Variants in PTPRK observed in about 807,000 individuals in gnomAD.
PTPRK encodes protein tyrosine phosphatase receptor type K.
In PTPRK, 75 loss-of-function variants were observed where a neutral mutation model predicts 178.0. The ratio of observed to expected loss-of-function variants is 0.42; its 90% CI spans 0.35 to 0.51. PTPRK has a LOEUF of 0.51. Among genes scored for constraint, PTPRK ranks in the 20% least tolerant of loss-of-function variants. The probability of loss-of-function intolerance (pLI) is 0.02; values close to 1 mark genes in which losing one functional copy is unlikely to be tolerated. For synonymous variants in PTPRK, 637 were observed against 620.6 expected (o/e 1.03, Z -0.39); for missense variants, 1,441 against 1,797.8 (o/e 0.80, Z 3.59).
chr6:128,453,007 T>C (rs1847974803), intron 1 of PTPRK, among the ~76,000 whole-genome samples: 1 of 152,190 alleles, frequency 6.6e-6, no homozygotes, highest in African/African-American at 2.4e-5. Context: ...TCCTCAGAGT[T>C]AATAACAGCT....
At chr6:128,211,894 A>G (rs1808256691) in intron 6 of PTPRK, among the ~76,000 whole-genome samples, 1 of 151,982 alleles carries the variant, frequency 6.6e-6, no homozygotes, top group Non-Finnish European at 1.5e-5. Flanking sequence ...ATCCTTACTC[A>G]TTATACCACT....
chr6:128,324,771 TTGATA>T (rs1269354643), intron 2 of PTPRK, among the ~76,000 whole-genome samples: 1 of 152,140 alleles, frequency 6.6e-6, no homozygotes, highest in Non-Finnish European at 1.5e-5. Flanking sequence ...GCCTACTGAC[TTGATA>T]TAACGGCAAT....
chr6:128,487,553 G>T (rs1370547994), intron 1 of PTPRK, among the ~76,000 whole-genome samples: 1 of 151,748 alleles, frequency 6.6e-6, no homozygotes, highest in Admixed American at 6.6e-5. Context: ...CTTCCCTAAA[G>T]AGCCTCATTC....
chr6:128,473,404 A>ATTTT (rs67418131), intron 1 of PTPRK, among the ~76,000 whole-genome samples: 63 of 90,894 alleles, frequency 6.9e-4, no homozygotes, highest in African/African-American at 1.1e-3. Context: ...TATGGTTACT[A>ATTTT]TTTTTTTTTT....
intron 6 of PTPRK, among the ~76,000 whole-genome samples, chr6:128,187,835 T>G (rs1175826086): frequency 1.3e-5 from 2 of 152,202 alleles, no homozygotes; most frequent in Non-Finnish European, 2.9e-5. Flanking sequence ...AAATCTAGCA[T>G]TAATGAGGCT....
intron 13 of PTPRK, among the ~76,000 whole-genome samples, chr6:128,057,329 T>G (rs1437383447): frequency 6.6e-6 from 1 of 152,220 alleles, no homozygotes; most frequent in African/African-American, 2.4e-5. Flanking sequence ...CTTGCAAAGT[T>G]GACCTTGGAC....
At chr6:128,435,180 T>C (rs1387206668) in intron 1 of PTPRK, among the ~76,000 whole-genome samples, 1 of 151,892 alleles carries the variant, frequency 6.6e-6, no homozygotes, top group Non-Finnish European at 1.5e-5. Flanking sequence ...CTGGCTTAGA[T>C]ATTCCTCACA....
intron 13 of PTPRK, among the ~76,000 whole-genome samples, chr6:128,038,208 A>G (rs1035108560): frequency 1.3e-5 from 2 of 151,996 alleles, no homozygotes; most frequent in Admixed American, 1.3e-4. Context: ...TTTTTTTTCT[A>G]GGAGAAATTT....
At chr6:127,973,858 G>T (rs79161139) in intron 27 of PTPRK, 31 bp from the exon 28 acceptor site, 20 of 1,587,504 alleles carry the variant, frequency 1.3e-5, no homozygotes, top group Admixed American at 1.7e-5. Flanking sequence ...ATGTAAATAC[G>T]CTGGGACTAC....
At position 128,157,050 on chromosome 6, in the gene PTPRK, G is replaced by A. The variant is rs1337111871; in HGVS notation, c.1162+27382C>T. ...ATCCATCATGATTTGTCCAACATCA[G>A]GAATAAAAGCTCTGAAAACCAAAAG... On this transcript the variant is annotated intron_variant, in intron 7 of 29. Transcript: ENST00000368226. Among the ~76,000 whole-genome samples, 5 of 152,034 alleles carry A rather than the reference G, an allele frequency of 3.3e-5. No individual in the cohort carries two copies. In the East Asian group the frequency reaches 9.7e-4, roughly 30 times the overall value.
chr6:128,340,618 T>C (rs1017755105), intron 2 of PTPRK, among the ~76,000 whole-genome samples: 2 of 152,218 alleles, frequency 1.3e-5, no homozygotes, highest in Non-Finnish European at 2.9e-5. Flanking sequence ...TATCTGAGTA[T>C]TAACATACCA....
chr6:128,218,952 CA>C lies in PTPRK; in HGVS notation c.837del (p.Val280CysfsTer9). 1 of 1,613,884 alleles carries C rather than the reference CA, an allele frequency of 6.2e-7. No individual in the cohort carries two copies. Among genetic ancestry groups the C allele is most frequent in the Non-Finnish European group, 8.5e-7 (1 of 1,179,912 alleles). On this transcript the variant is annotated frameshift_variant, in exon 6 of 30. Transcript: ENST00000368226. LOFTEE classifies it high-confidence loss of function. ...ACAATAAGTTGAGCAAAATTGGACA[CA>C]CCGGAACCTCGTTCTGACTGAGTTA... is the stretch of plus-strand genomic sequence containing the variant. ...RCVTQSERGS[G>X]VSNFAQLIVR... is the part of the protein sequence containing the mutation.
intron 10 of PTPRK, among the ~76,000 whole-genome samples, chr6:128,081,426 C>T (rs116893910): frequency 0.035 from 5,250 of 151,856 alleles, 161 homozygotes; most frequent in Middle Eastern, 0.092. Flanking sequence ...TTGTATTATA[C>T]TCAACACGTT....
At chr6:128,030,917 A>T (rs916493683) in intron 13 of PTPRK, among the ~76,000 whole-genome samples, 9 of 152,096 alleles carry the variant, frequency 5.9e-5, no homozygotes, top group African/African-American at 2.2e-4. Context: ...CATAGCATTC[A>T]TTTTTTTCCC....
intron 7 of PTPRK, among the ~76,000 whole-genome samples, chr6:128,177,845 T>C (rs368406905): frequency 6.6e-6 from 1 of 151,780 alleles, no homozygotes; most frequent in Non-Finnish European, 1.5e-5. Context: ...TCCATTTCCA[T>C]AGAAATTTAG....
chr6:128,171,720 G>A (rs868313638), intron 7 of PTPRK, among the ~76,000 whole-genome samples: 1 of 151,844 alleles, frequency 6.6e-6, no homozygotes, highest in South Asian at 2.1e-4. Context: ...GTATATTAAA[G>A]GGCTGTAAGT....
chr6:128,383,215 T>C (rs901821495), intron 2 of PTPRK, among the ~76,000 whole-genome samples: 2 of 152,188 alleles, frequency 1.3e-5, no homozygotes, highest in African/African-American at 4.8e-5. Flanking sequence ...CTTGTCACAA[T>C]AGCATCCTTA....
At chr6:128,038,361 A>T (rs1198326595) in intron 13 of PTPRK, among the ~76,000 whole-genome samples, 1 of 152,222 alleles carries the variant, frequency 6.6e-6, no homozygotes, top group Admixed American at 6.5e-5. Context: ...TAGTGAATTT[A>T]AAAATATTCT....
At chr6:128,006,575 T>C (rs1490168073) in intron 14 of PTPRK, among the ~76,000 whole-genome samples, 2 of 151,040 alleles carry the variant, frequency 1.3e-5, no homozygotes, top group African/African-American at 2.4e-5. Context: ...TATGTGAATA[T>C]ACATATATAC....
Sources: gnomAD v4.1 joint callset for allele counts (sites outside exome capture counted in the v4.1 genomes callset) on GRCh38, gnomAD v4.1.1 for gene constraint, MANE v1.5 for transcripts, NCBI Gene and HGNC (gene_info 2026-07-23, HGNC 2026-07-21) for gene names.